The following DNAAF4 variants were observed in gnomAD, a reference collection of about 807,000 sequenced individuals.
The protein encoded by DNAAF4 is dynein assembly factor 4, axonemal.
DNAAF4 carries 43 observed loss-of-function variants against 51.8 expected under a neutral mutation model. That is an observed-to-expected ratio of 0.83 (90% confidence interval 0.65 to 1.07). The LOEUF is 1.07. Among genes scored for constraint, DNAAF4 ranks in the 50% least tolerant of loss-of-function variants. DNAAF4 has a pLI of 0.00. For synonymous variants in DNAAF4, 194 were observed against 165.6 expected (o/e 1.17, Z -1.32); for missense variants, 581 against 493.0 (o/e 1.18, Z -1.69).
At chr15:55,421,305 A>C (rs1004262930) in intron 7 of DNAAF4, among the ~76,000 whole-genome samples, 1 of 151,986 alleles carries the variant, frequency 6.6e-6, no homozygotes, top group Non-Finnish European at 1.5e-5. Context: ...GTTCAAGGCA[A>C]GCCTGGGCAA....
chr15:55,439,556 C>A lies in DNAAF4; in HGVS notation c.809G>T (p.Arg270Leu). The change falls in exon 7 of 10, where the codon CGA (arginine) becomes CTA (leucine). Residue 270 changes from arginine (R) to leucine (L), a missense_variant. Transcript: ENST00000321149. Reference protein sequence around the residue: ...EEWLHKQAEARRAMNTDIAEL... With the variant: ...EEWLHKQAEALRAMNTDIAEL... ...AGCTATGTCAGTATTCATTGCTCTT[C>A]GTGCCTCAGCTTGTTTGTGTAGCCA... The A allele has an allele frequency of 6.2e-7, 1 of 1,613,940 alleles. No individual in the cohort carries two copies. Among genetic ancestry groups the A allele is most frequent in the South Asian group, 1.1e-5 (1 of 91,074 alleles).
Position 55,450,329 on chromosome 15 carries a change from CCTTT to C in DNAAF4, c.672_675del (p.Glu226ThrfsTer30). ...GAGCGAGGAGCAGGAATACTGTCTT[CCTTT>C]AACTTCTCAGTAAATATATTTTCTG... On this transcript the variant is annotated frameshift_variant, in exon 6 of 10. Transcript: ENST00000321149. LOFTEE classifies it high-confidence loss of function. The C allele has an allele frequency of 6.2e-7, 1 of 1,613,334 alleles. No homozygotes were observed. The highest frequency in any genetic ancestry group is 8.5e-7 in the Non-Finnish European group (1 of 1,179,860).
intron 4 of DNAAF4, among the ~76,000 whole-genome samples, chr15:55,485,594 A>G (rs1011809347): frequency 3.3e-5 from 5 of 152,208 alleles, no homozygotes; most frequent in Non-Finnish European, 7.3e-5. Flanking sequence ...GATCAGTTGG[A>G]AAAAAGAGTT....
chr15:55,507,832 C>G (rs1179438039), intron 1 of DNAAF4, among the ~76,000 whole-genome samples: 1 of 151,850 alleles, frequency 6.6e-6, no homozygotes, highest in Non-Finnish European at 1.5e-5. Context: ...AACAGGGACT[C>G]AAAAATTAAA....
At chr15:55,491,083 T>G in intron 4 of DNAAF4, 40 bp downstream of exon 4, 1 of 1,612,210 alleles carries the variant, frequency 6.2e-7, no homozygotes, top group Non-Finnish European at 8.5e-7. Context: ...TAGTCTACTA[T>G]TATCTCTTTA....
chr15:55,461,988 A>C (rs2058100143), intron 5 of DNAAF4, among the ~76,000 whole-genome samples: 1 of 152,226 alleles, frequency 6.6e-6, no homozygotes, highest in Non-Finnish European at 1.5e-5. Flanking sequence ...GATCATTCAA[A>C]GCTACTATGA....
At chr15:55,425,836 G>A (rs2057426258), downstream of DNAAF4, among the ~76,000 whole-genome samples, 2 of 152,170 alleles carry the variant, frequency 1.3e-5, no homozygotes, top group Non-Finnish European at 2.9e-5. Context: ...GAAGGCCACT[G>A]ATTTGGACTG....
intron 3 of DNAAF4, among the ~76,000 whole-genome samples, chr15:55,492,975 G>C (rs1342700709): frequency 6.6e-6 from 1 of 152,136 alleles, no homozygotes; most frequent in Admixed American, 6.5e-5. Context: ...GATACTACTT[G>C]CTATGGTCTG....
At chr15:55,497,639 A>C (rs2058658356) in intron 3 of DNAAF4, 73 bp downstream of exon 3, 1 of 1,520,224 alleles carries the variant, frequency 6.6e-7, no homozygotes, top group Non-Finnish European at 8.8e-7. Context: ...TAGGTGCTTC[A>C]AAATAAAATT....
chr15:55,450,390 C>A, intron 5 of DNAAF4, 23 bp from the exon 6 acceptor site: 1 of 1,602,132 alleles, frequency 6.2e-7, no homozygotes, highest in Non-Finnish European at 8.5e-7. Flanking sequence ...TGGTAGCAAA[C>A]AAGTCACTTA....
chr15:55,423,169 T>TTG (rs2057402027), intron 7 of DNAAF4, among the ~76,000 whole-genome samples: 1 of 1,994 alleles, frequency 5.0e-4, no homozygotes, highest in Non-Finnish European at 0.012. Flanking sequence ...GAGCCAAAAG[T>TTG]TTTTTTTTTT....
intron 6 of DNAAF4, among the ~76,000 whole-genome samples, chr15:55,445,846 C>T (rs182562029): frequency 0.04 from 5,207 of 130,770 alleles, 288 homozygotes; most frequent in African/African-American, 0.14. Context: ...ACATCCCAGA[C>T]GGGGCAGCCG....
At chr15:55,446,768 G>A (rs1488883111) in intron 6 of DNAAF4, among the ~76,000 whole-genome samples, 2 of 147,554 alleles carry the variant, frequency 1.4e-5, no homozygotes, top group Admixed American at 1.4e-4. Flanking sequence ...CAGGGTGGTG[G>A]CCAGGCAGAG....
Position 55,480,245 on chromosome 15 carries a change from T to C in DNAAF4, c.405+10878A>G, listed in dbSNP as rs149835330. Among the ~76,000 whole-genome samples the C allele has an allele frequency of 3.3e-5, 5 of 152,186 alleles. No homozygotes were observed. The East Asian group carries it at 9.7e-4, about 29-fold the overall frequency. ...CCCGATGGCCCAGCTGTAAAATTCC[T>C]CTCTTTATACTGTCTCTCTTTATTT... On this transcript the variant is annotated intron_variant, in intron 4 of 9. Coordinates refer to ENST00000321149, the MANE Select transcript of DNAAF4 (RefSeq NM_130810.4).
chr15:55,433,409 G>A (rs1367668113), intron 8 of DNAAF4, among the ~76,000 whole-genome samples: 3 of 152,064 alleles, frequency 2.0e-5, no homozygotes, highest in Non-Finnish European at 4.4e-5. Flanking sequence ...GGCGGATTAC[G>A]AAGTCAGGAG....
chr15:55,480,378 T>C (rs774106142), intron 4 of DNAAF4, among the ~76,000 whole-genome samples: 1 of 152,192 alleles, frequency 6.6e-6, no homozygotes, highest in African/African-American at 2.4e-5. Context: ...AGGGCCACTG[T>C]AGCAGGGACC....
At chr15:55,461,398 T>C (rs2058093203) in intron 5 of DNAAF4, among the ~76,000 whole-genome samples, 2 of 151,984 alleles carry the variant, frequency 1.3e-5, no homozygotes, top group Non-Finnish European at 2.9e-5. Context: ...GCCCAGCCCA[T>C]CTCAGTAAAT....
intron 7 of DNAAF4, among the ~76,000 whole-genome samples, chr15:55,425,292 C>CGGT (rs1444932599): frequency 6.6e-6 from 1 of 152,206 alleles, no homozygotes; most frequent in Non-Finnish European, 1.5e-5. Context: ...ACCATCCCCC[C>CGGT]GGTGATAACT....
chr15:55,467,906 CAG>C (rs144833105), intron 4 of DNAAF4, among the ~76,000 whole-genome samples: 7,609 of 152,200 alleles, frequency 0.05, 260 homozygotes, highest in East Asian at 0.15. Flanking sequence ...CCTTGTGAAA[CAG>C]AGTACCTAGT....
Sources: gnomAD v4.1 joint callset for allele counts (sites outside exome capture counted in the v4.1 genomes callset) on GRCh38, gnomAD v4.1.1 for gene constraint, MANE v1.5 for transcripts, NCBI Gene and HGNC (gene_info 2026-07-23, HGNC 2026-07-21) for gene names.